Variants in AXDND1 observed in about 807,000 individuals in gnomAD.
AXDND1 encodes axonemal dynein light chain domain-containing protein 1.
Under a neutral mutation model 137.5 loss-of-function variants are expected in AXDND1, and 110 were observed. The ratio of observed to expected loss-of-function variants is 0.80; its 90% confidence interval spans 0.69 to 0.94. The LOEUF is 0.94. Ranked by LOEUF, AXDND1 falls within the 40% of genes least tolerant of loss-of-function variation. The pLI, the probability that AXDND1 is intolerant of heterozygous loss-of-function variation, is 0.00. For missense variants in AXDND1, 1,191 were observed against 1,169.8 expected, an observed-to-expected ratio of 1.02 and a Z score of -0.26; for synonymous variants, 414 against 399.7, an observed-to-expected ratio of 1.04 and a Z score of -0.43.
At position 179,460,216 on chromosome 1, in the gene AXDND1, C is replaced by T. The variant is rs183360351; in HGVS notation, c.1799-8227C>T. ...CCTCCCCCCACCCCACGACAGGCCTCGGTATGTGATGTTCCCCACCCTGTG... is the reference window on the plus strand; with the variant it reads ...CCTCCCCCCACCCCACGACAGGCCTTGGTATGTGATGTTCCCCACCCTGTG... On this transcript the variant is annotated intron_variant, in intron 16 of 25. Coordinates refer to ENST00000367618, the MANE Select transcript of AXDND1 (RefSeq NM_144696.6). Among the ~76,000 whole-genome samples, 1,491 of 151,606 alleles carry T rather than the reference C, an allele frequency of 9.8e-3. 40 individuals carry two copies. Among genetic ancestry groups the T allele is most frequent in the African/African-American group, 0.035 (1,429 of 41,356 alleles).
At chr1:179,398,806 G>A (rs1651478393) in intron 11 of AXDND1, among the ~76,000 whole-genome samples, 1 of 151,868 alleles carries the variant, frequency 6.6e-6, no homozygotes, top group Admixed American at 6.6e-5. Context: ...TGTGGGGGTG[G>A]GACTGGCTGG....
intron 16 of AXDND1, among the ~76,000 whole-genome samples, chr1:179,466,167 G>C (rs1663140367): frequency 6.6e-6 from 1 of 152,134 alleles, no homozygotes; most frequent in Non-Finnish European, 1.5e-5. Flanking sequence ...ACCTCAGTTG[G>C]AAATTCAGAA....
Position 179,459,822 on chromosome 1 carries a change from TTTTTC to T in AXDND1, c.1799-8607_1799-8603del, listed in dbSNP as rs1250545999. Among the ~76,000 whole-genome samples the T allele has an allele frequency of 7.1e-4, 104 of 146,728 alleles. 4 individuals are homozygous for T. The highest frequency in any genetic ancestry group is 3.4e-3 in the Middle Eastern group (1 of 294). ...CTCTTTCTTTCCTTCCTTCCTTCTC[TTTTTC>T]TTTTCTTTTCTTTCCCTTCCTTCCT... On this transcript the variant is annotated intron_variant, in intron 16 of 25. Transcript: ENST00000367618.
chr1:179,444,887 C>A, intron 15 of AXDND1, 83 bp from the exon 16 acceptor site: 1 of 893,950 alleles, frequency 1.1e-6, no homozygotes, highest in Non-Finnish European at 1.7e-6. Flanking sequence ...AATTGGGAGT[C>A]ACTGGGGAAT....
Position 179,509,102 on chromosome 1 carries a change from C to T in AXDND1, c.2389-194C>T, listed in dbSNP as rs546676479. 4.6e-5 allele frequency among the ~76,000 whole-genome samples: 7 copies of T among 152,248 alleles called. No individual in the cohort carries two copies. In the East Asian group the frequency reaches 1.4e-3, roughly 29 times the overall value. ...TCCCATTACAACCCAGATCCCACAC[C>T]GTGTCAATAAGAGATAATATGATTT... On this transcript the variant is annotated intron_variant, in intron 20 of 25. Coordinates refer to ENST00000367618, the MANE Select transcript of AXDND1 (RefSeq NM_144696.6).
intron 4 of AXDND1, among the ~76,000 whole-genome samples, chr1:179,374,359 G>A (rs1157921499): frequency 2.6e-5 from 4 of 152,118 alleles, no homozygotes; most frequent in Non-Finnish European, 5.9e-5. Context: ...AAATAGGAAC[G>A]CTTTTACACT....
intron 23 of AXDND1, among the ~76,000 whole-genome samples, chr1:179,531,349 C>G (rs1487920327): frequency 6.6e-6 from 1 of 152,126 alleles, no homozygotes; most frequent in Non-Finnish European, 1.5e-5. Context: ...ATTCAGGTCC[C>G]TCTCATACTC....
intron 16 of AXDND1, chr1:179,456,098 T>C (rs2125418331): frequency 4.0e-6 from 2 of 504,008 alleles, no homozygotes; most frequent in Non-Finnish European, 7.7e-6. Context: ...TTGTCTAAAA[T>C]ATGTCTTCTT....
intron 11 of AXDND1, among the ~76,000 whole-genome samples, chr1:179,401,949 G>A (rs899491174): frequency 2.0e-5 from 3 of 152,062 alleles, no homozygotes; most frequent in Admixed American, 6.5e-5. Flanking sequence ...TGAAGCAGGC[G>A]GATCACGAGG....
rs149119239 is a variant in AXDND1 at position 179,486,139 on chromosome 1, A to AAAAAAACAAAAAACT, written c.2091+2920_2091+2921insAAAACAAAAAACTAA. Among the ~76,000 whole-genome samples, 689 of 87,736 alleles carry AAAAAAACAAAAAACT rather than the reference A, an allele frequency of 7.9e-3. 67 individuals are homozygous for AAAAAAACAAAAAACT. Among genetic ancestry groups the AAAAAAACAAAAAACT allele is most frequent in the East Asian group, 0.058 (99 of 1,696 alleles). The allele number at this position is 87,736 out of a possible 152,430, so 57.6% of individuals were successfully genotyped here. Reference sequence around the variant, plus strand: ...TGTCTCAAAAAAAAAAAAAAAAAAAAAACCTGATAGAAATGAAAAACACAC... The same window carrying AAAAAAACAAAAAACT: ...TGTCTCAAAAAAAAAAAAAAAAAAAAAAAAAACAAAAAACTAACCTGATAGAAATGAAAAACACAC... On this transcript the variant is annotated intron_variant, in intron 18 of 25. Transcript: ENST00000367618.
At chr1:179,426,662 A>T (rs1656613713) in intron 12 of AXDND1, among the ~76,000 whole-genome samples, 1 of 152,228 alleles carries the variant, frequency 6.6e-6, no homozygotes, top group Non-Finnish European at 1.5e-5. Context: ...ATTGCTTGTG[A>T]TTACAAAAAT....
At chr1:179,476,462 A>G (rs77832371) in intron 17 of AXDND1, among the ~76,000 whole-genome samples, 4,516 of 152,210 alleles carry the variant, frequency 0.03, 246 homozygotes, top group African/African-American at 0.1. Flanking sequence ...TTTTTTGTGT[A>G]GATTCTAATT....
chr1:179,507,058 C>A (rs949003800), intron 20 of AXDND1: 4 of 231,060 alleles, frequency 1.7e-5, no homozygotes, highest in Non-Finnish European at 7.1e-6. Context: ...TCTGTTTCTC[C>A]TGCTACAATA....
chr1:179,499,668 G>A (rs1288805127), intron 20 of AXDND1, among the ~76,000 whole-genome samples: 2 of 152,154 alleles, frequency 1.3e-5, no homozygotes, highest in Non-Finnish European at 2.9e-5. Context: ...AGATGATCAA[G>A]AGAGCCCAAA....
rs199959579 is a variant in AXDND1, at chr1:179,492,438, GA to G, written c.2292-406del. ...CAAAACTTCTTTTTACAAAATGGAA[GA>G]AAAAAAAAAACAACAACCCACAAAC... On this transcript the variant is annotated intron_variant, in intron 19 of 25. Coordinates refer to ENST00000367618, the MANE Select transcript of AXDND1 (RefSeq NM_144696.6). Among the ~76,000 whole-genome samples, 12 of 98,250 alleles carry G rather than the reference GA, an allele frequency of 1.2e-4. No homozygotes were observed. In the South Asian group the frequency reaches 1.2e-3, roughly 10 times the overall value. The allele number at this position is 98,250 out of a possible 152,430, so 64.5% of individuals were successfully genotyped here.
intron 2 of AXDND1, among the ~76,000 whole-genome samples, chr1:179,367,333 T>G (rs753151607): frequency 6.6e-6 from 1 of 151,536 alleles, no homozygotes; most frequent in Non-Finnish European, 1.5e-5. Context: ...CTGGCCAACA[T>G]GGAGAAACTC....
At position 179,492,906 on chromosome 1, in the gene AXDND1, A is replaced by G; in HGVS notation, c.2343A>G (p.Ser781=). 6.2e-7 allele frequency: 1 copy of G among 1,611,990 alleles called. No homozygotes were observed. The highest frequency in any genetic ancestry group is 1.1e-5 in the South Asian group (1 of 90,578). Residue 781 remains serine (S), a synonymous_variant, in exon 20 of 26, where the codon TCA becomes TCG. Transcript: ENST00000367618. ...TGGCTCTGAGTAAATCCACTAACTC[A>G]CACAAAAATGCTACTGAAGACCTTT... The part of the protein sequence containing the change: ...TAMALSKSTN[S]HKNATEDLYE...
intron 25 of AXDND1, among the ~76,000 whole-genome samples, chr1:179,552,855 T>G (rs1673518816): frequency 6.6e-6 from 1 of 152,188 alleles, no homozygotes; most frequent in Admixed American, 6.5e-5. Flanking sequence ...ATCTCCAAGG[T>G]CGATGCCTCA....
At chr1:179,427,428 C>T (rs1034995700) in intron 12 of AXDND1, among the ~76,000 whole-genome samples, 2 of 152,030 alleles carry the variant, frequency 1.3e-5, no homozygotes, top group African/African-American at 4.8e-5. Flanking sequence ...TAAAAATAAA[C>T]TTTGAGCATG....
Sources: gnomAD v4.1 joint callset for allele counts (sites outside exome capture counted in the v4.1 genomes callset) on GRCh38, gnomAD v4.1.1 for gene constraint, MANE v1.5 for transcripts, NCBI Gene and HGNC (gene_info 2026-07-23, HGNC 2026-07-21) for gene names.